Variants in MKLN1 observed in about 807,000 individuals in gnomAD.
The protein encoded by MKLN1 is muskelin 1, also known as muskelin.
A neutral mutation model predicts 99.0 loss-of-function variants in MKLN1; 18 were observed. The ratio of observed to expected loss-of-function variants is 0.18; its 90% CI spans 0.13 to 0.27. The LOEUF (loss-of-function observed/expected upper bound fraction) is 0.27, where lower values mean the gene tolerates loss of function less well. Ranked by LOEUF, MKLN1 falls within the 10% of genes least tolerant of loss-of-function variation. The pLI is 1.00. For synonymous variants in MKLN1, 288 were observed against 293.2 expected (o/e 0.98, Z 0.18); for missense variants, 621 against 875.9 (o/e 0.71, Z 3.67).
At chr7:131,138,105 A>G (rs1039968044) in intron 1 of MKLN1, among the ~76,000 whole-genome samples, 1 of 151,678 alleles carries the variant, frequency 6.6e-6, no homozygotes, top group Non-Finnish European at 1.5e-5. Context: ...TTGTATTTTT[A>G]GTAGAGACAA....
chr7:131,154,083 A>G (rs144427599), intron 2 of MKLN1, among the ~76,000 whole-genome samples: 3 of 152,304 alleles, frequency 2.0e-5, no homozygotes, highest in Admixed American at 2.0e-4. Context: ...TATATATGTA[A>G]ATGTATATAC....
At chr7:131,238,474 T>C (rs1797356926) in intron 3 of MKLN1, among the ~76,000 whole-genome samples, 1 of 152,154 alleles carries the variant, frequency 6.6e-6, no homozygotes, top group Non-Finnish European at 1.5e-5. Flanking sequence ...AGAAGTCCAT[T>C]GGAGGTCATG....
In MKLN1 at chr7:131,491,096, C is replaced by T. The variant is rs911419027; in HGVS notation, c.*3368C>T. On this transcript the variant is annotated 3_prime_UTR_variant, in exon 18 of 18. Coordinates refer to ENST00000352689, the MANE Select transcript of MKLN1 (RefSeq NM_013255.5). ...CTGGGTAATTGTGGGTCATTTATTT[C>T]CTGAAAGTCACGTGAAATCCTTAGC... 3 of 152,062 alleles carry T rather than the reference C, an allele frequency of 2.0e-5. No homozygotes were observed. Among genetic ancestry groups the T allele is most frequent in the African/African-American group, 7.2e-5 (3 of 41,412 alleles). 9.4% of individuals were successfully genotyped at this position (152,062 alleles called of 1,614,324 possible).
chr7:131,192,281 A>G (rs1273549841), intron 2 of MKLN1, among the ~76,000 whole-genome samples: 23 of 65,860 alleles, frequency 3.5e-4, no homozygotes, highest in South Asian at 1.4e-3. Flanking sequence ...TATATAAAAT[A>G]TATAATATAT....
chr7:131,173,767 G>A (rs529700382), intron 2 of MKLN1, among the ~76,000 whole-genome samples: 3 of 151,952 alleles, frequency 2.0e-5, no homozygotes, highest in Admixed American at 2.0e-4. Flanking sequence ...CAGCTGACTC[G>A]GTGCTGCTCC....
chr7:131,184,531 T>TG (rs1491345500), intron 2 of MKLN1, among the ~76,000 whole-genome samples: 2 of 100,494 alleles, frequency 2.0e-5, no homozygotes, highest in Non-Finnish European at 4.4e-5. Flanking sequence ...GCAGTAATAC[T>TG]TTTTTTTTTT....
intron 3 of MKLN1, among the ~76,000 whole-genome samples, chr7:131,269,077 G>A (rs1357495184): frequency 6.6e-6 from 1 of 152,154 alleles, no homozygotes; most frequent in Non-Finnish European, 1.5e-5. Flanking sequence ...CTCATCAGAT[G>A]GTTCTCATTA....
intron 2 of MKLN1, among the ~76,000 whole-genome samples, chr7:131,152,746 GC>G (rs1182717158): frequency 6.6e-6 from 1 of 151,770 alleles, no homozygotes; most frequent in East Asian, 1.9e-4. Context: ...GATCCACCCT[GC>G]TCGGCCTCCC....
At chr7:131,247,552 C>A (rs893175049) in intron 3 of MKLN1, among the ~76,000 whole-genome samples, 1 of 152,034 alleles carries the variant, frequency 6.6e-6, no homozygotes, top group Non-Finnish European at 1.5e-5. Flanking sequence ...CTTGTGATTT[C>A]TGTTTACCTT....
At position 131,342,494 on chromosome 7, in the gene MKLN1, T is replaced by C. The variant is rs1054693930; in HGVS notation, c.98+14497T>C. On this transcript the variant is annotated intron_variant, in intron 1 of 17. Transcript: ENST00000352689. The stretch of plus-strand genomic sequence containing the variant: ...GTTTTTTCCTAAAATTTATATCGTT[T>C]GTTTATATATGAAATATCAAATGGG... Among the ~76,000 whole-genome samples the C allele has an allele frequency of 5.9e-5, 9 of 152,360 alleles. 3 individuals carry two copies. Among genetic ancestry groups the C allele is most frequent in the Admixed American group, 5.9e-4 (9 of 15,306 alleles).
intron 3 of MKLN1, among the ~76,000 whole-genome samples, chr7:131,251,622 G>T (rs910820303): frequency 6.6e-6 from 1 of 151,828 alleles, no homozygotes; most frequent in Non-Finnish European, 1.5e-5. Context: ...TTGCTCCAAA[G>T]TTAGTTGGGC....
chr7:131,494,680 T>G lies in MKLN1; in HGVS notation c.*6952T>G, dbSNP rs1306925905. 1 of 152,032 alleles carries G rather than the reference T, an allele frequency of 6.6e-6. No individual in the cohort carries two copies. The highest frequency in any genetic ancestry group is 1.5e-5 in the Non-Finnish European group (1 of 67,986). The allele number at this position is 152,032 out of a possible 1,614,324, so 9.4% of individuals were successfully genotyped here. A position where few individuals can be genotyped will look rare whatever the true frequency, so the allele number is the denominator to read the frequency against. On this transcript the variant is annotated 3_prime_UTR_variant, in exon 18 of 18. Coordinates refer to ENST00000352689, the MANE Select transcript of MKLN1 (RefSeq NM_013255.5). The stretch of plus-strand genomic sequence containing the variant: ...CTTACAAATCATCCGTTCAGAAAAA[T>G]AAAAGTGGACTTCCTTTCCTAAGCA...
At chr7:131,207,813 T>A (rs553614741) in intron 3 of MKLN1, among the ~76,000 whole-genome samples, 1 of 152,334 alleles carries the variant, frequency 6.6e-6, no homozygotes, top group South Asian at 2.1e-4. Context: ...CTTGTAATTT[T>A]ACCTGGAGAA....
intron 3 of MKLN1, among the ~76,000 whole-genome samples, chr7:131,303,880 C>T (rs1257794847): frequency 6.6e-6 from 1 of 152,198 alleles, no homozygotes; most frequent in Non-Finnish European, 1.5e-5. Context: ...CCAACAGCCC[C>T]ATGCCTTTAA....
intron 3 of MKLN1, among the ~76,000 whole-genome samples, chr7:131,298,213 G>A (rs932841202): frequency 6.6e-5 from 10 of 152,176 alleles, no homozygotes; most frequent in Middle Eastern, 3.4e-3. Flanking sequence ...GGAGCTTGCA[G>A]TGAGCCGAGA....
At chr7:131,170,508 C>G (rs1321774355) in intron 2 of MKLN1, among the ~76,000 whole-genome samples, 1 of 152,142 alleles carries the variant, frequency 6.6e-6, no homozygotes, top group Non-Finnish European at 1.5e-5. Flanking sequence ...GTGACTAATT[C>G]CATTGGAAAG....
At chr7:131,197,376 ATTTTATTATTAT>A (rs1796663161) in intron 2 of MKLN1, among the ~76,000 whole-genome samples, 1 of 123,170 alleles carries the variant, frequency 8.1e-6, no homozygotes, top group South Asian at 2.8e-4. Context: ...GTTAATTAAA[ATTTTATTATTAT>A]TATTATTATT....
intron 3 of MKLN1, among the ~76,000 whole-genome samples, chr7:131,216,457 T>G (rs1481746974): frequency 1.3e-5 from 2 of 151,966 alleles, no homozygotes; most frequent in African/African-American, 4.8e-5. Flanking sequence ...GAAAGTTTAT[T>G]ATATTTGGAG....
At position 131,435,785 on chromosome 7, in the gene MKLN1, A is replaced by G. The variant is rs559818421; in HGVS notation, c.961-2000A>G. Among the ~76,000 whole-genome samples the G allele has an allele frequency of 1.6e-4, 24 of 152,150 alleles. No individual in the cohort carries two copies. In the South Asian group the frequency reaches 4.8e-3, roughly 30 times the overall value. ...CAATTTGTATTTTCCCTCCCTTTGT[A>G]AAAAATTAGTCTGCCAGTGGTTTAT... is the stretch of plus-strand genomic sequence containing the variant. On this transcript the variant is annotated intron_variant, in intron 9 of 17. Transcript: ENST00000352689.
Sources: gnomAD v4.1 joint callset for allele counts (sites outside exome capture counted in the v4.1 genomes callset) on GRCh38, gnomAD v4.1.1 for gene constraint, MANE v1.5 for transcripts, NCBI Gene and HGNC (gene_info 2026-07-23, HGNC 2026-07-21) for gene names.